The following ORC5 variants were observed in gnomAD, a reference collection of about 807,000 sequenced individuals.
ORC5 encodes the protein protein phosphatase 1, regulatory subunit 117.
ORC5 carries 39 observed loss-of-function variants against 58.8 expected under a neutral mutation model. The observed-to-expected ratio is 0.66, with a 90% CI of 0.51 to 0.87. ORC5 has a LOEUF of 0.87. Among genes scored for constraint, ORC5 ranks in the 40% least tolerant of loss-of-function variants. ORC5 has a pLI of 0.00. For missense variants in ORC5, 493 were observed against 506.3 expected, an observed-to-expected ratio of 0.97 and a Z score of 0.25; for synonymous variants, 218 against 177.6, an observed-to-expected ratio of 1.23 and a Z score of -1.81.
intron 9 of ORC5, chr7:104,168,145 C>A (rs1584498212): frequency 2.2e-6 from 1 of 451,986 alleles, no homozygotes; most frequent in Non-Finnish European, 3.2e-6. Context: ...CCATAAAACT[C>A]ATGAAATATA....
Position 104,189,395 on chromosome 7 carries a change from G to A in ORC5, c.554-1014C>T, listed in dbSNP as rs780262971. On this transcript the variant is annotated intron_variant, in intron 5 of 13. Transcript: ENST00000297431. ...ATCTTGAGAACAGCATGGGGGAATCGCACCCATGATTCAATTACCTTCCAA... is the reference window on the plus strand; with the variant it reads ...ATCTTGAGAACAGCATGGGGGAATCACACCCATGATTCAATTACCTTCCAA... 5.9e-5 allele frequency among the ~76,000 whole-genome samples: 9 copies of A among 152,008 alleles called. 1 individual carries two copies. The highest frequency in any genetic ancestry group is 1.9e-4 in the East Asian group (1 of 5,166).
rs202119487 is a variant in ORC5 at position 104,188,344 on chromosome 7, T to C, written c.591A>G (p.Pro197=). 6.8e-6 allele frequency: 11 copies of C among 1,610,942 alleles called. No homozygotes were observed. The East Asian group carries it at 2.5e-4, about 36-fold the overall frequency. The change falls in exon 6 of 14, where the codon CCA becomes CCG. Residue 197 remains proline, a synonymous_variant. Coordinates refer to ENST00000297431, the MANE Select transcript of ORC5 (RefSeq NM_002553.4). The part of the protein sequence containing the change: ...LQKILSHDHP[P]EYSADFYAAY... Reference sequence around the variant, plus strand: ...CAGCATAGAAATCAGCTGAATACTCTGGAGGATGATCATGGGACAGGATCT... The same window carrying C: ...CAGCATAGAAATCAGCTGAATACTCCGGAGGATGATCATGGGACAGGATCT...
At chr7:104,173,906 G>A (rs1159112235) in intron 8 of ORC5, among the ~76,000 whole-genome samples, 2 of 145,102 alleles carry the variant, frequency 1.4e-5, no homozygotes, top group Non-Finnish European at 3.0e-5. Context: ...GTGCAGTGGC[G>A]GGATCTCGGC....
intron 1 of ORC5, among the ~76,000 whole-genome samples, chr7:104,206,892 A>G (rs1242212316): frequency 6.6e-6 from 1 of 152,230 alleles, no homozygotes; most frequent in Non-Finnish European, 1.5e-5. Context: ...TAGGAGGAAC[A>G]GGCTACACCA....
intron 12 of ORC5, among the ~76,000 whole-genome samples, chr7:104,143,964 C>T (rs1236667964): frequency 6.6e-6 from 1 of 151,920 alleles, no homozygotes; most frequent in Non-Finnish European, 1.5e-5. Flanking sequence ...GCTAAAAATA[C>T]AAAAGTTAGC....
intron 12 of ORC5, among the ~76,000 whole-genome samples, chr7:104,146,042 T>C (rs1028651597): frequency 1.3e-5 from 2 of 152,210 alleles, no homozygotes; most frequent in African/African-American, 4.8e-5. Flanking sequence ...AAGGAAGTTC[T>C]TCAAACAAAA....
chr7:104,183,130 C>T (rs945130075), intron 8 of ORC5, among the ~76,000 whole-genome samples: 7 of 152,110 alleles, frequency 4.6e-5, no homozygotes, highest in African/African-American at 7.2e-5. Flanking sequence ...AGCGAAACTA[C>T]GTCTCAAAAA....
At position 104,126,861 on chromosome 7, in the gene ORC5, T is replaced by C; in HGVS notation, c.1295A>G (p.Tyr432Cys). 2 of 1,607,586 alleles carry C rather than the reference T, an allele frequency of 1.2e-6. No individual in the cohort carries two copies. The highest frequency in any genetic ancestry group is 1.7e-6 in the Non-Finnish European group (2 of 1,175,524). The change falls in exon 14 of 14, where the codon TAT (tyrosine) becomes TGT (cysteine). Residue 432 changes from tyrosine to cysteine, a missense_variant. Around this residue, in one of 3 missense-constraint regions of ORC5, gnomAD observed 77 missense variants for 86.1 expected, o/e 0.89. Coordinates refer to ENST00000297431, the MANE Select transcript of ORC5 (RefSeq NM_002553.4). ...TGAAGCTTGTTTTCACAAGAAATCA[T>C]ACAAGTATTTTATTATGTCAAAGTT... Reference protein sequence around the residue: ...TVNFDIIKYLYDFL With the variant: ...TVNFDIIKYLCDFL
intron 8 of ORC5, among the ~76,000 whole-genome samples, chr7:104,173,924 A>T (rs1287739440): frequency 8.0e-4 from 113 of 141,540 alleles, no homozygotes; most frequent in African/African-American, 2.9e-3. Context: ...GGCTCACTGC[A>T]AGCTCCGCCT....
intron 6 of ORC5, among the ~76,000 whole-genome samples, chr7:104,184,891 A>T (rs562892865): frequency 6.6e-5 from 10 of 152,188 alleles, no homozygotes; most frequent in Non-Finnish European, 1.2e-4. Flanking sequence ...GTTGCTGCCT[A>T]TGAGGTTTCA....
chr7:104,147,187 A>G (rs748095194), intron 12 of ORC5, among the ~76,000 whole-genome samples: 10 of 151,362 alleles, frequency 6.6e-5, no homozygotes, highest in Non-Finnish European at 1.3e-4. Flanking sequence ...ACTTAAAGGC[A>G]GATGATTAGT....
At chr7:104,206,165 C>A (rs1295765123) in intron 1 of ORC5, among the ~76,000 whole-genome samples, 1 of 152,118 alleles carries the variant, frequency 6.6e-6, no homozygotes, top group Admixed American at 6.5e-5. Flanking sequence ...TAACCTTTCA[C>A]CTTCATAAAT....
chr7:104,156,666 T>C (rs149341240), intron 12 of ORC5, among the ~76,000 whole-genome samples: 1 of 151,930 alleles, frequency 6.6e-6, no homozygotes, highest in East Asian at 1.9e-4. Context: ...CATATCACTA[T>C]AAAATAAATT....
intron 12 of ORC5, among the ~76,000 whole-genome samples, chr7:104,139,815 A>G (rs2115764745): frequency 6.6e-6 from 1 of 152,128 alleles, no homozygotes; most frequent in East Asian, 1.9e-4. Flanking sequence ...CTATTACACA[A>G]GACACATATG....
intron 12 of ORC5, among the ~76,000 whole-genome samples, chr7:104,141,057 A>G (rs1266684319): frequency 6.6e-6 from 1 of 152,196 alleles, no homozygotes; most frequent in Non-Finnish European, 1.5e-5. Context: ...CTCCAACTCC[A>G]AAACTTTTAA....
chr7:104,166,432 T>G (rs1799108677), intron 10 of ORC5, among the ~76,000 whole-genome samples: 1 of 152,250 alleles, frequency 6.6e-6, no homozygotes, highest in African/African-American at 2.4e-5. Context: ...TCCTTCAGTG[T>G]GATGGATAAT....
intron 2 of ORC5, among the ~76,000 whole-genome samples, chr7:104,202,892 G>T (rs993314027): frequency 1.3e-5 from 2 of 152,122 alleles, no homozygotes; most frequent in Non-Finnish European, 2.9e-5. Context: ...TGGTGCTGGG[G>T]ATAATTTCAA....
Position 104,191,017 on chromosome 7 carries a change from C to CA in ORC5, c.554-2637dup, listed in dbSNP as rs913351517. Among the ~76,000 whole-genome samples, 64 of 138,738 alleles carry CA rather than the reference C, an allele frequency of 4.6e-4. 1 individual carries two copies. Among genetic ancestry groups the CA allele is most frequent in the Admixed American group, 1.1e-3 (14 of 13,254 alleles). 91.0% of individuals were successfully genotyped at this position (138,738 alleles called of 152,430 possible). On this transcript the variant is annotated intron_variant, in intron 5 of 13. Coordinates refer to ENST00000297431, the MANE Select transcript of ORC5 (RefSeq NM_002553.4). ...AGGAATATTTAAACACAGAAGTTGA[C>CA]AAAAAAAATTTCAAAGCCTAGTTTT...
At position 104,198,459 on chromosome 7, in the gene ORC5, C is replaced by T. The variant is rs150204236; in HGVS notation, c.367-660G>A. On this transcript the variant is annotated intron_variant, in intron 3 of 13. Coordinates refer to ENST00000297431, the MANE Select transcript of ORC5 (RefSeq NM_002553.4). ...AGCAAAGAGAAGGGTGGCATTTTGC[C>T]CCTGCCCTAGAGATCTGTGGAACTT... 8.4e-4 allele frequency among the ~76,000 whole-genome samples: 128 copies of T among 152,248 alleles called. 1 individual carries two copies. The highest frequency in any genetic ancestry group is 3.0e-3 in the African/African-American group (124 of 41,548).
Sources: allele counts gnomAD v4.1 joint callset (sites outside exome capture counted in the v4.1 genomes callset), GRCh38; gene constraint gnomAD v4.1.1; regional missense constraint gnomAD v4.1.1; transcripts MANE v1.5; gene names NCBI Gene and HGNC (gene_info 2026-07-23, HGNC 2026-07-21).